Variants in FER1L5 observed in about 807,000 individuals in gnomAD.
The protein encoded by FER1L5 is fer-1 like family member 5.
FER1L5 carries 187 observed loss-of-function variants against 279.9 expected under a neutral mutation model. That is an observed-to-expected ratio of 0.67 (90% confidence interval 0.59 to 0.75). The LOEUF (loss-of-function observed/expected upper bound fraction) is 0.75. FER1L5 is among the 30% of genes least tolerant of loss of function. FER1L5 has a pLI of 0.00. For synonymous variants in FER1L5, 921 were observed against 989.7 expected (o/e 0.93, Z 1.30); for missense variants, 2,091 against 2,594.4 (o/e 0.81, Z 4.21).
intron 7 of FER1L5, 180 bp downstream of exon 7, chr2:96,652,200 T>A: frequency 1.2e-6 from 1 of 833,980 alleles, no homozygotes; most frequent in Non-Finnish European, 1.8e-6. Flanking sequence ...CAGAGCCCTG[T>A]ATCTGAGGAG....
intron 4 of FER1L5, 106 bp downstream of exon 4, chr2:96,647,992 C>A: frequency 1.3e-6 from 1 of 777,928 alleles, no homozygotes; most frequent in South Asian, 1.6e-5. Context: ...GGCCCCATCA[C>A]ACTGCCTTCC....
intron 39 of FER1L5, 59 bp downstream of exon 39, chr2:96,697,820 AG>A: frequency 1.3e-6 from 2 of 1,574,948 alleles, no homozygotes; most frequent in Non-Finnish European, 1.7e-6. Flanking sequence ...AGGCCAGCAG[AG>A]CTAGCCTTGA....
chr2:96,698,609 G>T lies in FER1L5; in HGVS notation c.4357-62G>T. ...TGAACATGGGCTGGGGCACCTCCCA[G>T]AGGGCTTTACAGAGCTGGCCAGCAC... On this transcript the variant is annotated intron_variant, in intron 40 of 52. Coordinates refer to ENST00000624922, the MANE Select transcript of FER1L5 (RefSeq NM_001293083.2). This position sits in a 1 kb window ranked among gnomAD's most constrained non-coding sequence, Gnocchi z 5.5. 2 of 1,418,064 alleles carry T rather than the reference G, an allele frequency of 1.4e-6. No individual in the cohort carries two copies. Among genetic ancestry groups the T allele is most frequent in the Non-Finnish European group, 1.9e-6 (2 of 1,032,538 alleles). 87.8% of individuals were successfully genotyped at this position (1,418,064 alleles called of 1,614,324 possible).
chr2:96,681,254 TG>T (rs1261336534), intron 19 of FER1L5, among the ~76,000 whole-genome samples: 1 of 152,130 alleles, frequency 6.6e-6, no homozygotes, highest in East Asian at 1.9e-4. Context: ...CTCAGGAGGC[TG>T]GGGTGGGCTT....
At chr2:96,672,976 T>C (rs1573869528) in intron 18 of FER1L5, 101 bp from the exon 19 acceptor site, 3 of 1,405,268 alleles carry the variant, frequency 2.1e-6, no homozygotes, top group East Asian at 5.0e-5. Flanking sequence ...GAAGGGAAGA[T>C]GGCTTTGAAA....
chr2:96,686,317 G>T lies in FER1L5; in HGVS notation c.2196G>T (p.Arg732Ser). 5 of 1,551,514 alleles carry T rather than the reference G, an allele frequency of 3.2e-6. No homozygotes were observed. The highest frequency in any genetic ancestry group is 1.2e-5 in the South Asian group (1 of 84,054). ...FSPAGALHSGRLCGKIQTLFL... is the reference protein window; with the variant it reads ...FSPAGALHSGSLCGKIQTLFL... ...CGGCAGGGGCTCTGCACTCCGGCAG[G>T]CTCTGTGGGAAGATACAGACACTCT... Residue 732 changes from arginine (R) to serine (S), a missense_variant, in exon 23 of 53, where the codon AGG becomes AGT. Physicochemically the swap from Arg to Ser is moderately radical, Grantham distance 110 (BLOSUM62 -1). Coordinates refer to ENST00000624922, the MANE Select transcript of FER1L5 (RefSeq NM_001293083.2).
rs1328257566 is a variant in FER1L5 at position 96,692,013 on chromosome 2, C to T, written c.3214+50C>T. On this transcript the variant is annotated intron_variant, in intron 30 of 52. Coordinates refer to ENST00000624922, the MANE Select transcript of FER1L5 (RefSeq NM_001293083.2). ...TTGAATGGCCCCAGAGGCCAGTACCCGAGGGCGGGGGGGGGGGACAGGGTG... is the reference window on the plus strand; with the variant it reads ...TTGAATGGCCCCAGAGGCCAGTACCTGAGGGCGGGGGGGGGGGACAGGGTG... 2.7e-5 allele frequency: 21 copies of T among 765,538 alleles called. No homozygotes were observed. In the East Asian group the frequency reaches 6.2e-4, roughly 23 times the overall value. The allele number at this position is 765,538 out of a possible 1,614,324, so 47.4% of individuals were successfully genotyped here.
intron 19 of FER1L5, among the ~76,000 whole-genome samples, chr2:96,674,458 A>C (rs1186013960): frequency 6.6e-6 from 1 of 152,160 alleles, no homozygotes; most frequent in Non-Finnish European, 1.5e-5. Flanking sequence ...TCCTGACCTC[A>C]GGTGATCCAC....
chr2:96,659,342 C>CTTCCTTCTTTCTTTCTTTCT (rs2075764646), intron 9 of FER1L5, among the ~76,000 whole-genome samples: 1 of 80,894 alleles, frequency 1.2e-5, no homozygotes, highest in East Asian at 4.2e-4. Context: ...TCCTTCCTTC[C>CTTCCTTCTTTCTTTCTTTCT]TTCCTTCCTT....
Position 96,689,690 on chromosome 2 carries a change from G to T in FER1L5, c.2572G>T (p.Val858Leu), listed in dbSNP as rs1218228486. Residue 858 changes from valine (V) to leucine (L), a missense_variant, in exon 26 of 53, where the codon GTA (valine) becomes TTA (leucine). Val to Leu is a conservative substitution (Grantham distance 32, BLOSUM62 1). Coordinates refer to ENST00000624922, the MANE Select transcript of FER1L5 (RefSeq NM_001293083.2). This position sits in a 1 kb window ranked among gnomAD's most constrained non-coding sequence, Gnocchi z 4.6. ...DINKSQVLEEVYENQGRDTRG... is the reference protein window; with the variant it reads ...DINKSQVLEELYENQGRDTRG... ...CAACAAGAGCCAGGTGCTGGAGGAG[G>T]TATATGAGAACCAGGGCCGTGACAC... 8 of 1,550,932 alleles carry T rather than the reference G, an allele frequency of 5.2e-6. No individual in the cohort carries two copies. Among genetic ancestry groups the T allele is most frequent in the South Asian group, 1.2e-5 (1 of 84,058 alleles).
chr2:96,656,048 A>G (rs760569307), intron 9 of FER1L5, among the ~76,000 whole-genome samples: 2 of 151,952 alleles, frequency 1.3e-5, no homozygotes, highest in African/African-American at 2.4e-5. Context: ...TTTTGGTATC[A>G]TGAACTCCCA....
At chr2:96,673,050 G>T (rs1199012732) in intron 18 of FER1L5, 27 bp from the exon 19 acceptor site, 2 of 1,547,802 alleles carry the variant, frequency 1.3e-6, no homozygotes, top group Admixed American at 2.0e-5. Context: ...TACTGGGTAT[G>T]GGGGGTGGGG....
Position 96,693,973 on chromosome 2 carries a change from C to A in FER1L5, c.3537C>A (p.Asp1179Glu), listed in dbSNP as rs2077259597. The change falls in exon 33 of 53, where the codon GAC (aspartate) becomes GAA (glutamate). Residue 1179 changes from aspartate (D) to glutamate (E), a missense_variant. By Grantham distance (45) the Asp-to-Glu change is conservative. Transcript: ENST00000624922. ...WPPMVWLDLQ[D>E]RILPPMRWHP... ...CAATGGTCTGGCTGGATCTCCAGGA[C>A]CGGATCCTGCCCCCCATGAGGTGGC... The A allele has an allele frequency of 6.4e-7, 1 of 1,551,610 alleles. No homozygotes were observed.
rs1558853244 is a variant in FER1L5, at chr2:96,659,344, TC to T, written c.748-995del. On this transcript the variant is annotated intron_variant, in intron 9 of 52. Transcript: ENST00000624922. The stretch of plus-strand genomic sequence containing the variant: ...TTCCTTCCTTCCTTCCTTCCTTCCT[TC>T]CTTCCTTCCTTCCTTCCTTCTTTCT... 1.6e-3 allele frequency among the ~76,000 whole-genome samples: 132 copies of T among 84,876 alleles called. 3 individuals carry two copies. Among genetic ancestry groups the T allele is most frequent in the Admixed American group, 3.4e-3 (22 of 6,464 alleles). 55.7% of individuals were successfully genotyped at this position (84,876 alleles called of 152,430 possible).
intron 31 of FER1L5, 61 bp from the exon 32 acceptor site, chr2:96,693,445 A>G: frequency 6.8e-7 from 1 of 1,464,946 alleles, no homozygotes; most frequent in Non-Finnish European, 9.1e-7. Context: ...GCAGCAGCAG[A>G]GGAGAGGAAA....
At chr2:96,699,521 C>T in intron 42 of FER1L5, 29 bp from the exon 43 acceptor site, 1 of 1,601,516 alleles carries the variant, frequency 6.2e-7, no homozygotes, top group Non-Finnish European at 8.5e-7. Flanking sequence ...TGCCCACATC[C>T]TCTGCAGTCT....
Position 96,693,521 on chromosome 2 carries a change from T to G in FER1L5, c.3308T>G (p.Val1103Gly). ...ACCCCTCCAGGGCCCTTCATTCGGG[T>G]GGTCTTCCTGAACCACAGCCAGTGC... ...ILTFQGPFIR[V>G]VFLNHSQCTQ... The change falls in exon 32 of 53, where the codon GTG (valine) becomes GGG (glycine). Residue 1103 changes from valine (V) to glycine (G), a missense_variant. By Grantham distance (109) the Val-to-Gly change is moderately radical (BLOSUM62 -3). Transcript: ENST00000624922. 6.4e-7 allele frequency: 1 copy of G among 1,551,212 alleles called. No homozygotes were observed. The highest frequency in any genetic ancestry group is 8.7e-7 in the Non-Finnish European group (1 of 1,146,772).
chr2:96,685,041 C>T (rs1199962876), intron 20 of FER1L5, among the ~76,000 whole-genome samples: 1 of 151,402 alleles, frequency 6.6e-6, no homozygotes, highest in Non-Finnish European at 1.5e-5. Flanking sequence ...GCTGGCACCT[C>T]TGGCATGACT....
Position 96,702,984 on chromosome 2 carries a change from A to G in FER1L5, c.5404A>G (p.Ile1802Val). ...RTCVQSQKDY[I>V]WSLDATSMKF... ...CCTTCCGCCATTTCCCCAGGATTAC[A>G]TATGGAGCCTGGATGCCACGTCCAT... Residue 1802 changes from isoleucine (I) to valine (V), a missense_variant, in exon 49 of 53, where the codon ATA (isoleucine) becomes GTA (valine). Ile to Val is a conservative substitution (Grantham distance 29, BLOSUM62 3). Coordinates refer to ENST00000624922, the MANE Select transcript of FER1L5 (RefSeq NM_001293083.2). This position sits in a 1 kb window ranked among gnomAD's most constrained non-coding sequence, Gnocchi z 4.0. The G allele has an allele frequency of 6.2e-7, 1 of 1,611,672 alleles. No individual in the cohort carries two copies. The highest frequency in any genetic ancestry group is 8.5e-7 in the Non-Finnish European group (1 of 1,178,928).
Sources: allele counts gnomAD v4.1 joint callset (sites outside exome capture counted in the v4.1 genomes callset), GRCh38; gene constraint gnomAD v4.1.1; non-coding constraint Gnocchi (gnomAD v3.1); transcripts MANE v1.5; gene names NCBI Gene and HGNC (gene_info 2026-07-23, HGNC 2026-07-21).